OPCML: variants seen among roughly 807,000 people sequenced by gnomAD.
The protein encoded by OPCML is opioid binding protein/cell adhesion molecule like.
A neutral mutation model predicts 37.8 loss-of-function variants in OPCML; 13 were observed. The ratio of observed to expected loss-of-function variants is 0.34; its 90% CI spans 0.22 to 0.55. The LOEUF (loss-of-function observed/expected upper bound fraction) is 0.55. Among genes scored for constraint, OPCML ranks in the 20% least tolerant of loss-of-function variants. OPCML has a pLI of 0.91. For synonymous variants in OPCML, 176 were observed against 168.8 expected, an observed-to-expected ratio of 1.04 and a Z score of -0.33; for missense variants, 341 against 435.6, an observed-to-expected ratio of 0.78 and a Z score of 1.93.
At chr11:132,778,465 A>G (rs1402783174) in intron 2 of OPCML, among the ~76,000 whole-genome samples, 1 of 152,268 alleles carries the variant, frequency 6.6e-6, no homozygotes, top group Non-Finnish European at 1.5e-5. Flanking sequence ...TCAAGAACAT[A>G]TAATTTAGTG....
intron 1 of OPCML, among the ~76,000 whole-genome samples, chr11:133,478,977 C>T (rs1947311476): frequency 6.6e-6 from 1 of 152,170 alleles, no homozygotes; most frequent in Admixed American, 6.5e-5. Context: ...GGGCAAATCA[C>T]TTAATCTACC....
intron 1 of OPCML, among the ~76,000 whole-genome samples, chr11:133,449,171 T>C (rs1946529507): frequency 6.6e-6 from 1 of 152,254 alleles, no homozygotes; most frequent in South Asian, 2.1e-4. Context: ...GACATGATCA[T>C]AGAAGATGTA....
chr11:133,374,296 T>C (rs923506099), intron 1 of OPCML, among the ~76,000 whole-genome samples: 2 of 152,114 alleles, frequency 1.3e-5, no homozygotes, highest in African/African-American at 4.8e-5. Context: ...TGTCTGGAAA[T>C]AGAATGTAGA....
intron 1 of OPCML, among the ~76,000 whole-genome samples, chr11:133,432,918 T>C (rs12800232): frequency 0.37 from 56,216 of 151,876 alleles, 13,825 homozygotes; most frequent in African/African-American, 0.7. Flanking sequence ...TTCTTTTGCT[T>C]TGGGGATACT....
chr11:133,155,779 TTCC>T (rs1950052783), intron 1 of OPCML, among the ~76,000 whole-genome samples: 1 of 152,146 alleles, frequency 6.6e-6, no homozygotes, highest in African/African-American at 2.4e-5. Context: ...TCCTGGCTCA[TTCC>T]TCCTCCTCCA....
At position 132,943,880 on chromosome 11, in the gene OPCML, C is replaced by G. The variant is rs961370153; in HGVS notation, c.62-870G>C. On this transcript the variant is annotated intron_variant, in intron 1 of 7. Transcript: ENST00000524381. The surrounding 1 kb of genome is among the most constrained non-coding windows in gnomAD (Gnocchi z 4.3). ...CACGCTCAGCGGCCGCCCCCGGCCT[C>G]CGCGCCGCCTTCCTCCCGGGAGCAG... 3 of 151,358 alleles carry G rather than the reference C, an allele frequency of 2.0e-5. No individual in the cohort carries two copies. The highest frequency in any genetic ancestry group is 7.3e-5 in the African/African-American group (3 of 41,340). 9.4% of individuals were successfully genotyped at this position (151,358 alleles called of 1,614,324 possible).
intron 2 of OPCML, among the ~76,000 whole-genome samples, chr11:132,752,275 TAAAAG>T (rs1216925781): frequency 2.0e-5 from 3 of 150,896 alleles, no homozygotes; most frequent in South Asian, 2.1e-4. Context: ...AAAAAAAAAT[TAAAAG>T]AGAGAGAGAG....
chr11:133,060,872 C>T (rs2136988078), intron 1 of OPCML, among the ~76,000 whole-genome samples: 2 of 152,352 alleles, frequency 1.3e-5, no homozygotes, highest in African/African-American at 4.8e-5. Context: ...GGCCCATTGC[C>T]TCCAGGGCTG....
At chr11:132,990,549 G>A (rs1946756578) in intron 1 of OPCML, among the ~76,000 whole-genome samples, 1 of 152,200 alleles carries the variant, frequency 6.6e-6, no homozygotes, top group Non-Finnish European at 1.5e-5. Flanking sequence ...CTGAGGTCAG[G>A]AAAGACTTTA....
At chr11:132,579,694 G>T (rs1306301466) in intron 3 of OPCML, among the ~76,000 whole-genome samples, 2 of 152,092 alleles carry the variant, frequency 1.3e-5, no homozygotes, top group African/African-American at 2.4e-5. Context: ...GGCACATGGG[G>T]ACAAGTTGTT....
intron 1 of OPCML, among the ~76,000 whole-genome samples, chr11:133,092,379 G>A (rs1489368159): frequency 6.6e-6 from 1 of 152,168 alleles, no homozygotes; most frequent in Non-Finnish European, 1.5e-5. Context: ...GCCCTTCCCT[G>A]AAACTTTCAG....
chr11:133,244,701 A>ACTGT (rs1940857766), intron 1 of OPCML, among the ~76,000 whole-genome samples: 1 of 150,998 alleles, frequency 6.6e-6, no homozygotes, highest in Non-Finnish European at 1.5e-5. Context: ...TTGCTCACTC[A>ACTGT]CTCTCTCTCT....
intron 1 of OPCML, among the ~76,000 whole-genome samples, chr11:133,465,348 T>C (rs1946951464): frequency 6.6e-6 from 1 of 152,174 alleles, no homozygotes; most frequent in Non-Finnish European, 1.5e-5. Context: ...GATTTTTAAC[T>C]GACTTACATT....
intron 2 of OPCML, among the ~76,000 whole-genome samples, chr11:132,850,243 C>T (rs1941744482): frequency 6.6e-6 from 1 of 152,110 alleles, no homozygotes; most frequent in South Asian, 2.1e-4. Flanking sequence ...CCCTACTTGC[C>T]CTCAGTGGTT....
intron 1 of OPCML, among the ~76,000 whole-genome samples, chr11:133,082,172 C>T (rs1025227675): frequency 9.2e-5 from 14 of 152,010 alleles, no homozygotes; most frequent in African/African-American, 2.9e-4. Flanking sequence ...CCTGGGCCTC[C>T]GCCTCGGCTC....
At chr11:133,285,176 G>A (rs544686591) in intron 1 of OPCML, among the ~76,000 whole-genome samples, 55 of 152,316 alleles carry the variant, frequency 3.6e-4, no homozygotes, top group African/African-American at 1.2e-3. Context: ...GTCAAGCAAG[G>A]TGTGTTTGTC....
chr11:133,453,272 A>G (rs1946613369), intron 1 of OPCML, among the ~76,000 whole-genome samples: 1 of 152,250 alleles, frequency 6.6e-6, no homozygotes, highest in Admixed American at 6.5e-5. Context: ...AAACTTAATC[A>G]GAATGAGGTT....
intron 2 of OPCML, among the ~76,000 whole-genome samples, chr11:132,894,754 T>C (rs1943772739): frequency 1.3e-5 from 2 of 152,176 alleles, no homozygotes; most frequent in African/African-American, 2.4e-5. Flanking sequence ...ACTCTTATCC[T>C]GCCCTTGGTC....
chr11:133,170,320 C>CA lies in OPCML; in HGVS notation c.62-227311dup, dbSNP rs200874349. ...TGAAACTCCATCTCTAATAAAAATA[C>CA]AAAAAAATACAAAAACTTAGCCGGA... On this transcript the variant is annotated intron_variant, in intron 1 of 7. Coordinates refer to ENST00000524381, the MANE Select transcript of OPCML (RefSeq NM_001012393.5). Among the ~76,000 whole-genome samples the CA allele has an allele frequency of 9.9e-3, 1,513 of 152,168 alleles. 13 individuals carry two copies. The highest frequency in any genetic ancestry group is 0.02 in the Middle Eastern group (6 of 294).
Sources: allele counts gnomAD v4.1 joint callset (sites outside exome capture counted in the v4.1 genomes callset), GRCh38; gene constraint gnomAD v4.1.1; non-coding constraint Gnocchi (gnomAD v3.1); transcripts MANE v1.5; gene names NCBI Gene and HGNC (gene_info 2026-07-23, HGNC 2026-07-21).